INMT: variants seen among roughly 807,000 people sequenced by gnomAD.
INMT encodes indolethylamine N-methyltransferase.
In INMT, 11 loss-of-function variants were observed where a neutral mutation model predicts 11.5. The observed-to-expected ratio is 0.95, with a 90% CI of 0.60 to 1.58. The LOEUF is 1.58. INMT is among the 40% of genes most tolerant of loss of function. The pLI, the probability that INMT is intolerant of heterozygous loss-of-function variation, is 0.00. For synonymous variants in INMT, 155 were observed against 142.9 expected, an observed-to-expected ratio of 1.08 and a Z score of -0.60; for missense variants, 316 against 336.1, an observed-to-expected ratio of 0.94 and a Z score of 0.47.
chr7:30,754,026 C>T lies in INMT; in HGVS notation c.362+88C>T. Reference sequence around the variant, plus strand: ...GCCTCTTTGTTGTCTCTGACATTTTCAGGACAGTAGGACCTTCAGGTATAG... The same window carrying T: ...GCCTCTTTGTTGTCTCTGACATTTTTAGGACAGTAGGACCTTCAGGTATAG... On this transcript the variant is annotated intron_variant, in intron 2 of 2. Transcript: ENST00000013222. This position sits in a 1 kb window ranked among gnomAD's most constrained non-coding sequence, Gnocchi z 4.9. The T allele has an allele frequency of 7.4e-7, 1 of 1,351,850 alleles. No individual in the cohort carries two copies. The allele number at this position is 1,351,850 out of a possible 1,614,324, so 83.7% of individuals were successfully genotyped here.
rs1216745446 is a variant in INMT at position 30,754,989 on chromosome 7, CAGAGT to C, written c.363-431_363-427del. On this transcript the variant is annotated intron_variant, in intron 2 of 2. Coordinates refer to ENST00000013222, the MANE Select transcript of INMT (RefSeq NM_006774.5). The surrounding 1 kb of genome is among the most constrained non-coding windows in gnomAD (Gnocchi z 4.9). ...TTTTAGTCGCCTTTGAGCTTTATAG[CAGAGT>C]AATTTGCTCTGTGTCATTTGCGATT... Among the ~76,000 whole-genome samples, 1 of 152,144 alleles carries C rather than the reference CAGAGT, an allele frequency of 6.6e-6. No homozygotes were observed. The highest frequency in any genetic ancestry group is 2.4e-5 in the African/African-American group (1 of 41,434).
rs1206467082 is a variant in INMT, at chr7:30,754,028, G to A, written c.362+90G>A. ...CTCTTTGTTGTCTCTGACATTTTCAGGACAGTAGGACCTTCAGGTATAGGA... is the reference window on the plus strand; with the variant it reads ...CTCTTTGTTGTCTCTGACATTTTCAAGACAGTAGGACCTTCAGGTATAGGA... On this transcript the variant is annotated intron_variant, in intron 2 of 2. Transcript: ENST00000013222. This position sits in a 1 kb window ranked among gnomAD's most constrained non-coding sequence, Gnocchi z 4.9. 1.5e-6 allele frequency: 2 copies of A among 1,292,168 alleles called. No individual in the cohort carries two copies. Among genetic ancestry groups the A allele is most frequent in the African/African-American group, 1.5e-5 (1 of 67,876 alleles). The allele number at this position is 1,292,168 out of a possible 1,614,324, so 80.0% of individuals were successfully genotyped here.
rs62446914 is a variant in INMT at position 30,754,545 on chromosome 7, G to C, written c.362+607G>C. Among the ~76,000 whole-genome samples, 12 of 138,428 alleles carry C rather than the reference G, an allele frequency of 8.7e-5. No individual in the cohort carries two copies. Among genetic ancestry groups the C allele is most frequent in the Non-Finnish European group, 1.8e-4 (12 of 65,306 alleles). The allele number at this position is 138,428 out of a possible 152,430, so 90.8% of individuals were successfully genotyped here. On this transcript the variant is annotated intron_variant, in intron 2 of 2. Coordinates refer to ENST00000013222, the MANE Select transcript of INMT (RefSeq NM_006774.5). The surrounding 1 kb of genome is among the most constrained non-coding windows in gnomAD (Gnocchi z 4.9). The stretch of plus-strand genomic sequence containing the variant: ...TCCATCCATCCATCCACATACATCC[G>C]CCCAGCCATCCATCTATCCATCCAT...
Position 30,752,894 on chromosome 7 carries a change from G to T in INMT, c.154+590G>T, listed in dbSNP as rs77654453. Reference sequence around the variant, plus strand: ...ACTGCCCTCCCCATGGTGACCCCATGATTTGATTGTGTCTTCTAAACTCAA... The same window carrying T: ...ACTGCCCTCCCCATGGTGACCCCATTATTTGATTGTGTCTTCTAAACTCAA... On this transcript the variant is annotated intron_variant, in intron 1 of 2. Transcript: ENST00000013222. Among the ~76,000 whole-genome samples the T allele has an allele frequency of 5.8e-3, 877 of 152,304 alleles. 14 individuals are homozygous for T. Among genetic ancestry groups the T allele is most frequent in the African/African-American group, 0.02 (831 of 41,558 alleles).
chr7:30,754,300 G>A lies in INMT; in HGVS notation c.362+362G>A, dbSNP rs929923587. ...ATATCCATCCATCCGTCCACCCACCGGTTCATCCATTCATCCATCCATCCA... is the reference window on the plus strand; with the variant it reads ...ATATCCATCCATCCGTCCACCCACCAGTTCATCCATTCATCCATCCATCCA... On this transcript the variant is annotated intron_variant, in intron 2 of 2. Coordinates refer to ENST00000013222, the MANE Select transcript of INMT (RefSeq NM_006774.5). The surrounding 1 kb of genome is among the most constrained non-coding windows in gnomAD (Gnocchi z 4.9). Among the ~76,000 whole-genome samples the A allele has an allele frequency of 6.6e-4, 99 of 150,956 alleles. 1 individual carries two copies. The highest frequency in any genetic ancestry group is 6.5e-3 in the Admixed American group (98 of 15,148).
At position 30,755,874 on chromosome 7, in the gene INMT, C is replaced by A; in HGVS notation, c.*23C>A. 6.3e-7 allele frequency: 1 copy of A among 1,589,778 alleles called. No homozygotes were observed. The highest frequency in any genetic ancestry group is 1.1e-5 in the South Asian group (1 of 88,860). On this transcript the variant is annotated 3_prime_UTR_variant, in exon 3 of 3. Transcript: ENST00000013222. ...TGAGCCAGGAGGGCCAGCCAGAGGTCTGGTCAGGCTGTGAGGCCTTGGCCA... is the reference window on the plus strand; with the variant it reads ...TGAGCCAGGAGGGCCAGCCAGAGGTATGGTCAGGCTGTGAGGCCTTGGCCA...
chr7:30,753,754 A>T lies in INMT; in HGVS notation c.178A>T (p.Ile60Phe). 1 of 1,614,144 alleles carries T rather than the reference A, an allele frequency of 6.2e-7. No homozygotes were observed. The highest frequency in any genetic ancestry group is 8.5e-7 in the Non-Finnish European group (1 of 1,180,036). Residue 60 changes from isoleucine (I) to phenylalanine (F), a missense_variant, in exon 2 of 3, where the codon ATT (isoleucine) becomes TTT (phenylalanine). Transcript: ENST00000013222. ...GPGGLQGDTL[I>F]DIGSGPTIYQ... ...AGGAGGCCTCCAAGGGGACACGCTG[A>T]TTGACATTGGCTCAGGTCCTACCAT...
Position 30,754,963 on chromosome 7 carries a change from G to A in INMT, c.363-459G>A, listed in dbSNP as rs941303070. On this transcript the variant is annotated intron_variant, in intron 2 of 2. Coordinates refer to ENST00000013222, the MANE Select transcript of INMT (RefSeq NM_006774.5). The surrounding 1 kb of genome is among the most constrained non-coding windows in gnomAD (Gnocchi z 4.9). ...GTATATCTAAACAATCTATAATTTA[G>A]TTTTAGTCGCCTTTGAGCTTTATAG... Among the ~76,000 whole-genome samples the A allele has an allele frequency of 1.3e-5, 2 of 152,054 alleles. No homozygotes were observed. The highest frequency in any genetic ancestry group is 2.9e-5 in the Non-Finnish European group (2 of 68,014).
In INMT at chr7:30,757,085, G is replaced by C. The variant is rs1239670249; in HGVS notation, c.*1234G>C. On this transcript the variant is annotated 3_prime_UTR_variant, in exon 3 of 3. Transcript: ENST00000013222. ...AGCTGGGTGTCCTGTATTTCATCTG[G>C]CAACCCTACTTCAGACCCAGGTGTA... 6.6e-6 allele frequency: 1 copy of C among 152,342 alleles called. No individual in the cohort carries two copies. The highest frequency in any genetic ancestry group is 1.9e-4 in the East Asian group (1 of 5,192). 9.4% of individuals were successfully genotyped at this position (152,342 alleles called of 1,614,324 possible). A position where few individuals can be genotyped will look rare whatever the true frequency, so the allele number is the denominator to read the frequency against.
chr7:30,754,036 G>A lies in INMT; in HGVS notation c.362+98G>A. ...TGTCTCTGACATTTTCAGGACAGTAGGACCTTCAGGTATAGGACCAGATGT... is the reference window on the plus strand; with the variant it reads ...TGTCTCTGACATTTTCAGGACAGTAAGACCTTCAGGTATAGGACCAGATGT... On this transcript the variant is annotated intron_variant, in intron 2 of 2. Transcript: ENST00000013222. This position sits in a 1 kb window ranked among gnomAD's most constrained non-coding sequence, Gnocchi z 4.9. 3.3e-6 allele frequency: 4 copies of A among 1,220,238 alleles called. No individual in the cohort carries two copies. The highest frequency in any genetic ancestry group is 4.7e-6 in the Non-Finnish European group (4 of 855,340). The allele number at this position is 1,220,238 out of a possible 1,614,324, so 75.6% of individuals were successfully genotyped here. A position where few individuals can be genotyped will look rare whatever the true frequency, so the allele number is the denominator to read the frequency against.
In INMT at chr7:30,755,466, AGC is replaced by A. The variant is rs1424319008; in HGVS notation, c.409_410del (p.Arg137GlyfsTer35). On this transcript the variant is annotated frameshift_variant, in exon 3 of 3. Transcript: ENST00000013222. LOFTEE classifies it low-confidence loss of function (END_TRUNC). ...GAGGAGAAGCTGCGGGCAGCGGTGA[AGC>A]GGGTGCTCAAGTGCGATGTCCACCT... 1 of 1,600,602 alleles carries A rather than the reference AGC, an allele frequency of 6.2e-7. No homozygotes were observed. The highest frequency in any genetic ancestry group is 8.5e-7 in the Non-Finnish European group (1 of 1,179,878).
Position 30,752,248 on chromosome 7 carries a change from C to T in INMT, c.98C>T (p.Pro33Leu), listed in dbSNP as rs754241642. Residue 33 changes from proline (P) to leucine (L), a missense_variant, in exon 1 of 3, where the codon CCC (proline) becomes CTC (leucine). Transcript: ENST00000013222. ...TYYSFDGSPS[P>L]EAEMLKFNLE... ...TACAGCTTCGATGGCAGCCCCTCAC[C>T]CGAGGCCGAGATGCTGAAGTTTAAC... The T allele has an allele frequency of 9.3e-6, 15 of 1,614,112 alleles. No individual in the cohort carries two copies. Among genetic ancestry groups the T allele is most frequent in the Non-Finnish European group, 1.3e-5 (15 of 1,179,986 alleles).
rs987902628 is a variant in INMT at position 30,754,244 on chromosome 7, C to T, written c.362+306C>T. 6.6e-6 allele frequency among the ~76,000 whole-genome samples: 1 copy of T among 152,176 alleles called. No homozygotes were observed. The highest frequency in any genetic ancestry group is 2.4e-5 in the African/African-American group (1 of 41,434). ...CTTACCCTCATCTATATATCTACCTCTCTATCTTCTATGTATCTAACTATC... is the reference window on the plus strand; with the variant it reads ...CTTACCCTCATCTATATATCTACCTTTCTATCTTCTATGTATCTAACTATC... On this transcript the variant is annotated intron_variant, in intron 2 of 2. Transcript: ENST00000013222. The surrounding 1 kb of genome is among the most constrained non-coding windows in gnomAD (Gnocchi z 4.9).
rs1342594078 is a variant in INMT, at chr7:30,755,704, C to T, written c.645C>T (p.Ala215=). 2 of 1,614,084 alleles carry T rather than the reference C, an allele frequency of 1.2e-6. No individual in the cohort carries two copies. Among genetic ancestry groups the T allele is most frequent in the African/African-American group, 1.3e-5 (1 of 74,942 alleles). ...GGAAGCGTGAATTTTCCTGCGTGGC[C>T]CTGGAGAAAGAGGAGGTGGAGCAGG... is the stretch of plus-strand genomic sequence containing the variant. ...MVGKREFSCV[A]LEKEEVEQAV... is the part of the protein sequence containing the mutation. The change falls in exon 3 of 3, where the codon GCC becomes GCT. Residue 215 remains alanine (A), a synonymous_variant. Transcript: ENST00000013222.
rs1352411295 is a variant in INMT, at chr7:30,753,926, T to G, written c.350T>G (p.Leu117Arg). 2 of 1,613,778 alleles carry G rather than the reference T, an allele frequency of 1.2e-6. No individual in the cohort carries two copies. The highest frequency in any genetic ancestry group is 1.7e-6 in the Non-Finnish European group (2 of 1,179,984). The change falls in exon 2 of 3, where the codon CTG becomes CGG. Residue 117 changes from leucine to arginine, a missense_variant. Transcript: ENST00000013222. ...WTPAVKFACE[L>R]EGNSGRWEEK... ...CCAGCGGTGAAATTCGCCTGTGAGC[T>G]GGAAGGAAACAGGTAGGGGTGCAGA...
In INMT at chr7:30,756,402, A is replaced by AAT. The variant is rs1786248117; in HGVS notation, c.*551_*552insAT. Reference sequence around the variant, plus strand: ...AGGAGCTCGCCACCACACCCAGCTAATTTTTTTTTTTTTTTTTTTATTTGA... The same window carrying AAT: ...AGGAGCTCGCCACCACACCCAGCTAAATTTTTTTTTTTTTTTTTTTTATTTGA... On this transcript the variant is annotated 3_prime_UTR_variant, in exon 3 of 3. Coordinates refer to ENST00000013222, the MANE Select transcript of INMT (RefSeq NM_006774.5). 1.0e-5 allele frequency: 1 copy of AAT among 95,636 alleles called. No homozygotes were observed. The highest frequency in any genetic ancestry group is 4.5e-5 in the African/African-American group (1 of 22,344). 5.9% of individuals were successfully genotyped at this position (95,636 alleles called of 1,614,324 possible).
rs764185966 is a variant in INMT, at chr7:30,755,509, C to T, written c.450C>T (p.Ala150=). Residue 150 remains alanine (A), a synonymous_variant, in exon 3 of 3, where the codon GCC becomes GCT. Coordinates refer to ENST00000013222, the MANE Select transcript of INMT (RefSeq NM_006774.5). ...ATGTCCACCTGGGCAACCCGCTGGCCCCGGCTGTGTTGCCTCTCGCCGACT... is the reference window on the plus strand; with the variant it reads ...ATGTCCACCTGGGCAACCCGCTGGCTCCGGCTGTGTTGCCTCTCGCCGACT... ...KCDVHLGNPL[A]PAVLPLADCV... is the part of the protein sequence containing the mutation. The T allele has an allele frequency of 1.4e-5, 22 of 1,607,288 alleles. No individual in the cohort carries two copies. The East Asian group carries it at 3.8e-4, about 28-fold the overall frequency.
At position 30,754,506 on chromosome 7, in the gene INMT, T is replaced by C. The variant is rs1221356916; in HGVS notation, c.362+568T>C. 1.3e-5 allele frequency among the ~76,000 whole-genome samples: 2 copies of C among 151,200 alleles called. No individual in the cohort carries two copies. Among genetic ancestry groups the C allele is most frequent in the Non-Finnish European group, 2.9e-5 (2 of 67,816 alleles). On this transcript the variant is annotated intron_variant, in intron 2 of 2. Transcript: ENST00000013222. This position sits in a 1 kb window ranked among gnomAD's most constrained non-coding sequence, Gnocchi z 4.9. Reference sequence around the variant, plus strand: ...CCATATCCATCCATCCATCCATCCATCCACCCATTCATATCCATCCATCCA... The same window carrying C: ...CCATATCCATCCATCCATCCATCCACCCACCCATTCATATCCATCCATCCA...
chr7:30,755,317 A>G, intron 2 of INMT, 105 bp from the exon 3 acceptor site: 2 of 1,045,048 alleles, frequency 1.9e-6, no homozygotes, highest in Non-Finnish European at 2.7e-6. Flanking sequence ...AGGGACAGCA[A>G]TCCTTTGGGG....
Sources: gnomAD v4.1 joint callset for allele counts (sites outside exome capture counted in the v4.1 genomes callset) on GRCh38, gnomAD v4.1.1 for gene constraint, Gnocchi (gnomAD v3.1) non-coding constraint, MANE v1.5 for transcripts, NCBI Gene and HGNC (gene_info 2026-07-23, HGNC 2026-07-21) for gene names.